The following OXSR1 variants were observed in gnomAD, a reference collection of about 807,000 sequenced individuals.
OXSR1 encodes the protein oxidative stress responsive kinase 1.
Under a neutral mutation model 79.8 loss-of-function variants are expected in OXSR1, and 24 were observed. That is an observed-to-expected ratio of 0.30 (90% CI 0.22 to 0.42). OXSR1 has a LOEUF of 0.42. Among genes scored for constraint, OXSR1 ranks in the 10% least tolerant of loss-of-function variants. The pLI is 1.00. For synonymous variants in OXSR1, 226 were observed against 209.2 expected, an observed-to-expected ratio of 1.08 and a Z score of -0.69; for missense variants, 430 against 618.4, an observed-to-expected ratio of 0.70 and a Z score of 3.23.
At chr3:38,185,166 C>T (rs971446601) in intron 2 of OXSR1, among the ~76,000 whole-genome samples, 28 of 151,616 alleles carry the variant, frequency 1.8e-4, no homozygotes, top group Admixed American at 9.8e-4. Flanking sequence ...CTATATAATT[C>T]GACAGAATTT....
intron 3 of OXSR1, 80 bp from the exon 4 acceptor site, chr3:38,198,642 A>T: frequency 9.5e-7 from 1 of 1,053,924 alleles, no homozygotes; most frequent in Admixed American, 2.2e-5. Context: ...GAAGGTTCAC[A>T]TGTGTTTTGA....
intron 16 of OXSR1, 51 bp from the exon 17 acceptor site, chr3:38,252,277 T>G (rs773490337): frequency 2.4e-6 from 3 of 1,239,974 alleles, no homozygotes; most frequent in Non-Finnish European, 3.6e-6. Context: ...TGGTTGAAAG[T>G]GGATTTATGT....
intron 4 of OXSR1, among the ~76,000 whole-genome samples, chr3:38,208,050 C>G (rs1295720943): frequency 6.6e-6 from 1 of 151,240 alleles, no homozygotes; most frequent in African/African-American, 2.4e-5. Flanking sequence ...GGAATCAGAA[C>G]TGAGGTAATT....
At chr3:38,232,585 C>A (rs1468818240) in intron 10 of OXSR1, among the ~76,000 whole-genome samples, 2 of 151,904 alleles carry the variant, frequency 1.3e-5, no homozygotes, top group African/African-American at 4.8e-5. Flanking sequence ...CAGACCCTAT[C>A]TCTACTAAAA....
intron 6 of OXSR1, among the ~76,000 whole-genome samples, chr3:38,222,655 G>A (rs560930487): frequency 5.2e-4 from 79 of 152,216 alleles, no homozygotes; most frequent in Admixed American, 4.3e-3. Context: ...TTATAACCAT[G>A]TAATGTGCTG....
chr3:38,233,653 C>G (rs1226280715), intron 10 of OXSR1, among the ~76,000 whole-genome samples: 1 of 152,098 alleles, frequency 6.6e-6, no homozygotes. Context: ...TAGCCCATGC[C>G]TGTAAATCCC....
chr3:38,221,188 T>C (rs904417206), intron 5 of OXSR1, among the ~76,000 whole-genome samples: 3 of 152,004 alleles, frequency 2.0e-5, no homozygotes, highest in African/African-American at 7.3e-5. Flanking sequence ...GATAGTGGTA[T>C]GTAGAGTGGA....
At chr3:38,173,930 A>C (rs775707049) in intron 1 of OXSR1, among the ~76,000 whole-genome samples, 8 of 152,190 alleles carry the variant, frequency 5.3e-5, no homozygotes, top group Non-Finnish European at 7.4e-5. Flanking sequence ...GGTCAGGGAA[A>C]ACCTCACTGA....
chr3:38,249,697 G>T (rs1703216309), intron 14 of OXSR1, among the ~76,000 whole-genome samples: 1 of 152,112 alleles, frequency 6.6e-6, no homozygotes, highest in Non-Finnish European at 1.5e-5. Flanking sequence ...ATAAGGATGG[G>T]AGTGGGCATA....
chr3:38,202,295 G>A (rs1027195062), intron 4 of OXSR1, among the ~76,000 whole-genome samples: 1 of 152,164 alleles, frequency 6.6e-6, no homozygotes, highest in Non-Finnish European at 1.5e-5. Flanking sequence ...GATAAGGCAA[G>A]ATGACTTGGA....
Position 38,254,889 on chromosome 3 carries a change from G to A in OXSR1, c.*1998G>A, listed in dbSNP as rs2125858857. 1 of 152,694 alleles carries A rather than the reference G, an allele frequency of 6.5e-6. No homozygotes were observed. The highest frequency in any genetic ancestry group is 2.1e-4 in the South Asian group (1 of 4,822). 9.5% of individuals were successfully genotyped at this position (152,694 alleles called of 1,614,324 possible). ...CCCATCATTACCTGTGAACTGCAGT[G>A]GGGCAGTCATGGCAAATAGAATTGG... On this transcript the variant is annotated 3_prime_UTR_variant, in exon 18 of 18. Transcript: ENST00000311806.
At chr3:38,213,666 A>C (rs1234367118) in intron 4 of OXSR1, among the ~76,000 whole-genome samples, 1 of 152,104 alleles carries the variant, frequency 6.6e-6, no homozygotes, top group African/African-American at 2.4e-5. Flanking sequence ...GTGTGTAGGA[A>C]CTCCTGTGCA....
At chr3:38,191,446 T>A (rs34149661) in intron 3 of OXSR1, among the ~76,000 whole-genome samples, 1 of 152,076 alleles carries the variant, frequency 6.6e-6, no homozygotes, top group African/African-American at 2.4e-5. Flanking sequence ...CTAGTCCAGT[T>A]ATCTTGTAGA....
intron 9 of OXSR1, 139 bp from the exon 10 acceptor site, chr3:38,230,226 G>A (rs1702776614): frequency 3.0e-6 from 2 of 658,050 alleles, no homozygotes; most frequent in Admixed American, 5.6e-5. Flanking sequence ...GAGCTTCAGA[G>A]TGAAAGAATG....
chr3:38,206,882 C>G (rs75294116), intron 4 of OXSR1, among the ~76,000 whole-genome samples: 1 of 152,154 alleles, frequency 6.6e-6, no homozygotes, highest in African/African-American at 2.4e-5. Flanking sequence ...TGACCTCTGG[C>G]AAGTTATTTA....
At chr3:38,190,925 T>A in intron 3 of OXSR1, 86 bp downstream of exon 3, 1 of 748,928 alleles carries the variant, frequency 1.3e-6, no homozygotes, top group Non-Finnish European at 2.3e-6. Context: ...GATTTCGTTT[T>A]CATGGACATT....
chr3:38,217,378 G>A (rs1559516709), intron 5 of OXSR1, among the ~76,000 whole-genome samples: 1 of 152,222 alleles, frequency 6.6e-6, no homozygotes, highest in East Asian at 1.9e-4. Context: ...TTAGACTTTT[G>A]CTCCTAGGTG....
chr3:38,236,555 C>A, intron 10 of OXSR1: 2 of 203,570 alleles, frequency 9.8e-6, no homozygotes, highest in Non-Finnish European at 9.7e-6. Context: ...TTAAATGTCT[C>A]AGGACATTTA....
chr3:38,191,191 A>G (rs1701974803), intron 3 of OXSR1, among the ~76,000 whole-genome samples: 1 of 152,070 alleles, frequency 6.6e-6, no homozygotes, highest in Non-Finnish European at 1.5e-5. Context: ...GACTACAGGC[A>G]TGTACCACCA....
Sources: gnomAD v4.1 joint callset for allele counts (sites outside exome capture counted in the v4.1 genomes callset) on GRCh38, gnomAD v4.1.1 for gene constraint, MANE v1.5 for transcripts, NCBI Gene and HGNC (gene_info 2026-07-23, HGNC 2026-07-21) for gene names.